SMCO2: variants seen among roughly 807,000 people sequenced by gnomAD.
The protein encoded by SMCO2 is single-pass membrane and coiled-coil domain-containing protein 2.
Under a neutral mutation model 29.5 loss-of-function variants are expected in SMCO2, and 25 were observed. The observed-to-expected ratio is 0.85, with a 90% CI of 0.62 to 1.18. The LOEUF is 1.18. SMCO2 is among the 50% of genes most tolerant of loss of function. The probability of loss-of-function intolerance (pLI) is 0.00; values close to 1 mark genes in which losing one functional copy is unlikely to be tolerated. For missense variants in SMCO2, 348 were observed against 344.5 expected (o/e 1.01, Z -0.08); for synonymous variants, 117 against 123.3 (o/e 0.95, Z 0.34).
chr12:27,470,246 T>C (rs1244110922), intron 1 of SMCO2, among the ~76,000 whole-genome samples: 1 of 152,198 alleles, frequency 6.6e-6, no homozygotes, highest in Non-Finnish European at 1.5e-5. Context: ...ATTTTACTTT[T>C]TTCTTTTGCC....
chr12:27,434,120 C>A, the SMCO2 span, among the ~76,000 whole-genome samples: 1 of 152,162 alleles, frequency 6.6e-6, no homozygotes, highest in Non-Finnish European at 1.5e-5. Flanking sequence ...TGAAACATAA[C>A]CTAGCGCCAA....
At chr12:27,482,230 A>G (rs1050956808) in intron 4 of SMCO2, among the ~76,000 whole-genome samples, 3 of 152,166 alleles carry the variant, frequency 2.0e-5, no homozygotes, top group African/African-American at 4.8e-5. Context: ...AGCTCAGAAT[A>G]CATTCTAATG....
chr12:27,492,036 T>A (rs1942921329), intron 5 of SMCO2, among the ~76,000 whole-genome samples: 1 of 152,156 alleles, frequency 6.6e-6, no homozygotes, highest in Non-Finnish European at 1.5e-5. Context: ...ATTAAAACAT[T>A]ATGAAATGAT....
chr12:27,442,232 A>G, the SMCO2 span, among the ~76,000 whole-genome samples: 1 of 152,188 alleles, frequency 6.6e-6, no homozygotes, highest in Non-Finnish European at 1.5e-5. Flanking sequence ...AATGAAATTG[A>G]GACAAAAAAA....
chr12:27,424,798 G>T, the SMCO2 span: 1 of 152,186 alleles, frequency 6.6e-6, no homozygotes. Context: ...CTGCTAAGTG[G>T]CCACTAGGTG....
chr12:27,464,659 A>G (rs1243399169), upstream of SMCO2, among the ~76,000 whole-genome samples: 1 of 142,272 alleles, frequency 7.0e-6, no homozygotes, highest in Non-Finnish European at 1.5e-5. Flanking sequence ...CGAACCTGCA[A>G]TGAGCAGTGA....
the SMCO2 span, among the ~76,000 whole-genome samples, chr12:27,437,880 C>G: frequency 3.3e-5 from 5 of 152,216 alleles, no homozygotes; most frequent in African/African-American, 9.6e-5. Flanking sequence ...CAACATCTCC[C>G]TCTTTTCTAA....
the SMCO2 span, chr12:27,424,717 A>G: frequency 1.3e-5 from 2 of 152,226 alleles, no homozygotes; most frequent in Admixed American, 6.5e-5. Context: ...TTGGAGACTC[A>G]TACTTGCCCA....
At chr12:27,469,309 G>A (rs1297048589) in intron 1 of SMCO2, among the ~76,000 whole-genome samples, 4 of 152,132 alleles carry the variant, frequency 2.6e-5, no homozygotes, top group Admixed American at 6.6e-5. Flanking sequence ...AAAAAGGATG[G>A]TGCCATCACA....
At chr12:27,475,832 A>G in intron 4 of SMCO2, 101 bp downstream of exon 5, 1 of 1,137,832 alleles carries the variant, frequency 8.8e-7, no homozygotes, top group East Asian at 2.9e-5. Context: ...TCTTTAGGCC[A>G]TAGGTATACT....
chr12:27,457,562 C>G, the SMCO2 span, among the ~76,000 whole-genome samples: 1 of 152,240 alleles, frequency 6.6e-6, no homozygotes, highest in African/African-American at 2.4e-5. Flanking sequence ...CCAGCCTCTT[C>G]CTGAGAAGCA....
Position 27,474,385 on chromosome 12 carries a change from G to A in SMCO2, c.235-401G>A, listed in dbSNP as rs1949566260. 2.0e-5 allele frequency among the ~76,000 whole-genome samples: 3 copies of A among 152,124 alleles called. No homozygotes were observed. The South Asian group carries it at 6.2e-4, about 31-fold the overall frequency. On this transcript the variant is annotated intron_variant, in intron 3 of 7. Transcript: ENST00000298876. ...AAACCAGCATCCCAAAAAGATCTAT[G>A]CAATATGTTTGGTTTTCATATCTCT...
upstream of SMCO2, among the ~76,000 whole-genome samples, chr12:27,463,814 C>T (rs566626688): frequency 4.8e-4 from 73 of 152,242 alleles, no homozygotes; most frequent in Non-Finnish European, 9.3e-4. Flanking sequence ...TGCAATGTGT[C>T]GTGAGAAATC....
exon 4 of SMCO2, chr12:27,474,812 T>G (rs933537305): frequency 6.4e-7 from 1 of 1,551,770 alleles, no homozygotes. Context: ...AGGCTGAGCA[T>G]GACCAGGACC....
At position 27,484,875 on chromosome 12, in the gene SMCO2, T is replaced by A. The variant is rs1163469823; in HGVS notation, c.363-3585T>A. Among the ~76,000 whole-genome samples, 1,006 of 105,134 alleles carry A rather than the reference T, an allele frequency of 9.6e-3. 4 individuals carry two copies. The highest frequency in any genetic ancestry group is 0.023 in the African/African-American group (411 of 17,766). 69.0% of individuals were successfully genotyped at this position (105,134 alleles called of 152,430 possible). On this transcript the variant is annotated intron_variant, in intron 4 of 7. Coordinates refer to ENST00000298876, the Ensembl canonical transcript of SMCO2. ...TCAAAAAAAAAAAAAAAAAAAAATA[T>A]ATATATATATATATATATAGTTTTT... is the stretch of plus-strand genomic sequence containing the variant.
chr12:27,427,200 T>C, the SMCO2 span, among the ~76,000 whole-genome samples: 463 of 152,350 alleles, frequency 3.0e-3, no homozygotes, highest in African/African-American at 0.01. Flanking sequence ...AGTTTTTTCC[T>C]ATTTATCCAG....
intron 4 of SMCO2, among the ~76,000 whole-genome samples, chr12:27,485,427 A>G (rs1013429239): frequency 4.0e-5 from 6 of 150,390 alleles, no homozygotes; most frequent in African/African-American, 1.5e-4. Flanking sequence ...CATTTTTAAT[A>G]CTGCCTCTAT....
intron 4 of SMCO2, 49 bp from the exon 5 acceptor site, chr12:27,475,533 T>C: frequency 6.7e-7 from 1 of 1,494,298 alleles, no homozygotes; most frequent in Non-Finnish European, 8.9e-7. Context: ...GCTATGTGAA[T>C]TGTTTCCCAT....
the SMCO2 span, among the ~76,000 whole-genome samples, chr12:27,452,674 A>G: frequency 6.6e-6 from 1 of 152,108 alleles, no homozygotes; most frequent in African/African-American, 2.4e-5. Flanking sequence ...TTTTTTGTAG[A>G]ATAGGATCTG....
Sources: allele counts gnomAD v4.1 joint callset (sites outside exome capture counted in the v4.1 genomes callset), GRCh38; gene constraint gnomAD v4.1.1; transcripts MANE v1.5; gene names NCBI Gene and HGNC (gene_info 2026-07-23, HGNC 2026-07-21).